ARFGEF2: variants seen among roughly 807,000 people sequenced by gnomAD.
The protein encoded by ARFGEF2 is brefeldin A-inhibited guanine nucleotide-exchange protein 2.
In ARFGEF2, 74 loss-of-function variants were observed where a neutral mutation model predicts 219.9. The observed-to-expected ratio is 0.34, with a 90% CI of 0.28 to 0.41. ARFGEF2 has a LOEUF of 0.41. Ranked by LOEUF, ARFGEF2 falls within the 10% of genes least tolerant of loss-of-function variation. The pLI, the probability that ARFGEF2 is intolerant of heterozygous loss-of-function variation, is 1.00. For synonymous variants in ARFGEF2, 733 were observed against 799.2 expected, an observed-to-expected ratio of 0.92 and a Z score of 1.40; for missense variants, 1,743 against 2,218.3, an observed-to-expected ratio of 0.79 and a Z score of 4.30.
chr20:48,954,335 A>G (rs1264490072), intron 6 of ARFGEF2, among the ~76,000 whole-genome samples: 2 of 152,176 alleles, frequency 1.3e-5, no homozygotes, highest in East Asian at 3.8e-4. Flanking sequence ...ACTAACCCAC[A>G]CCTGATTATA....
chr20:48,953,418 C>A (rs2091084075), intron 5 of ARFGEF2, 138 bp from the exon 6 acceptor site: 2 of 798,036 alleles, frequency 2.5e-6, no homozygotes, highest in Admixed American at 2.0e-5. Context: ...TCAAGAATTC[C>A]TGCTGCCTCA....
chr20:49,007,408 G>C (rs1326514959), intron 26 of ARFGEF2, among the ~76,000 whole-genome samples: 1 of 151,050 alleles, frequency 6.6e-6, no homozygotes, highest in African/African-American at 2.4e-5. Flanking sequence ...TCCTGCCTCA[G>C]CCTCCCAAGT....
chr20:48,965,048 G>A (rs970232945), intron 7 of ARFGEF2, among the ~76,000 whole-genome samples: 1 of 152,136 alleles, frequency 6.6e-6, no homozygotes, highest in Admixed American at 6.5e-5. Flanking sequence ...GTACCACAAA[G>A]CTATATACAT....
Position 48,969,231 on chromosome 20 carries a change from T to G in ARFGEF2, c.1144T>G (p.Cys382Gly). 1 of 1,614,248 alleles carries G rather than the reference T, an allele frequency of 6.2e-7. No individual in the cohort carries two copies. The highest frequency in any genetic ancestry group is 8.5e-7 in the Non-Finnish European group (1 of 1,180,036). ...KDAFLVFRSL[C>G]KLSMKPLGEG... Reference sequence around the variant, plus strand: ...TGCCTTCCTTGTGTTCCGCTCCCTGTGCAAGCTGTCCATGAAACCCCTTGG... The same window carrying G: ...TGCCTTCCTTGTGTTCCGCTCCCTGGGCAAGCTGTCCATGAAACCCCTTGG... The change falls in exon 9 of 39, where the codon TGC (cysteine) becomes GGC (glycine). Residue 382 changes from cysteine to glycine, a missense_variant. Transcript: ENST00000371917.
chr20:48,946,746 C>T (rs1486391998), intron 3 of ARFGEF2, among the ~76,000 whole-genome samples: 2 of 151,646 alleles, frequency 1.3e-5, no homozygotes, highest in Non-Finnish European at 2.9e-5. Flanking sequence ...AGCTTAAGCC[C>T]ACCTTGGCTT....
chr20:48,977,451 C>T (rs2091269120), intron 14 of ARFGEF2, among the ~76,000 whole-genome samples: 1 of 152,158 alleles, frequency 6.6e-6, no homozygotes, highest in African/African-American at 2.4e-5. Context: ...GTGCATGTGT[C>T]TTTATAGTAG....
At chr20:48,957,178 G>A (rs561319704) in intron 6 of ARFGEF2, among the ~76,000 whole-genome samples, 1 of 152,306 alleles carries the variant, frequency 6.6e-6, no homozygotes, top group African/African-American at 2.4e-5. Context: ...TGCCAGCTGA[G>A]TCACCCCCCT....
chr20:48,926,158 A>G (rs2090875661), intron 1 of ARFGEF2, among the ~76,000 whole-genome samples: 1 of 152,198 alleles, frequency 6.6e-6, no homozygotes, highest in Non-Finnish European at 1.5e-5. Context: ...TCCATAGTCC[A>G]AGATCTTAAC....
intron 3 of ARFGEF2, 102 bp downstream of exon 3, chr20:48,942,089 C>T (rs2090996445): frequency 2.7e-6 from 4 of 1,458,434 alleles, no homozygotes; most frequent in Non-Finnish European, 3.8e-6. Flanking sequence ...TCAGTGCTGT[C>T]AGAGGCGATG....
chr20:49,018,837 A>G (rs1489973385), intron 33 of ARFGEF2, 47 bp from the exon 34 acceptor site: 2 of 1,531,186 alleles, frequency 1.3e-6, no homozygotes, highest in Non-Finnish European at 9.0e-7. Flanking sequence ...TGCCCAAATT[A>G]TCATGAAGAA....
Position 49,034,132 on chromosome 20 carries a change from G to A in ARFGEF2, c.*933G>A, listed in dbSNP as rs903525712. 3.0e-4 allele frequency: 45 copies of A among 152,226 alleles called. No individual in the cohort carries two copies. Among genetic ancestry groups the A allele is most frequent in the African/African-American group, 1.0e-3 (43 of 41,452 alleles). 9.4% of individuals were successfully genotyped at this position (152,226 alleles called of 1,614,324 possible). On this transcript the variant is annotated 3_prime_UTR_variant, in exon 39 of 39. Coordinates refer to ENST00000371917, the MANE Select transcript of ARFGEF2 (RefSeq NM_006420.3). ...TTATTTTCACCTCAGAAAAGTGAGT[G>A]TACTGGCAGTTAGTGTCACTGCTTT...
rs113625313 is a variant in ARFGEF2 at position 49,021,056 on chromosome 20, TA to T, written c.4625-1984del. On this transcript the variant is annotated intron_variant, in intron 34 of 38. Transcript: ENST00000371917. ...TACATCTTCTGGAACTCCACTGTATTAAAAAAAAAAATTTAAAACAATCTAC... is the reference window on the plus strand; with the variant it reads ...TACATCTTCTGGAACTCCACTGTATTAAAAAAAAAATTTAAAACAATCTAC... Among the ~76,000 whole-genome samples, 897 of 148,942 alleles carry T rather than the reference TA, an allele frequency of 6.0e-3. 7 individuals carry two copies. Among genetic ancestry groups the T allele is most frequent in the African/African-American group, 0.014 (584 of 40,860 alleles).
Position 48,976,027 on chromosome 20 carries a change from C to T in ARFGEF2, c.1786C>T (p.Leu596Phe). Residue 596 changes from leucine (L) to phenylalanine (F), a missense_variant, in exon 14 of 39, where the codon CTC becomes TTC. Physicochemically the swap from Leu to Phe is conservative, Grantham distance 22. Coordinates refer to ENST00000371917, the MANE Select transcript of ARFGEF2 (RefSeq NM_006420.3). Reference protein sequence around the residue: ...NHQTSLGQERLTDQEIGDGKG... With the variant: ...NHQTSLGQERFTDQEIGDGKG... ...TTGTTTCTCCGCAGGTCAGGAGAGG[C>T]TCACGGATCAGGAAATAGGGGATGG... 2 of 1,612,238 alleles carry T rather than the reference C, an allele frequency of 1.2e-6. No homozygotes were observed. The highest frequency in any genetic ancestry group is 1.7e-6 in the Non-Finnish European group (2 of 1,180,002).
chr20:49,014,385 G>A (rs2091518245), intron 30 of ARFGEF2, among the ~76,000 whole-genome samples: 1 of 152,062 alleles, frequency 6.6e-6, no homozygotes, highest in African/African-American at 2.4e-5. Flanking sequence ...TTTGATGCCT[G>A]TAGGTATTTT....
chr20:48,934,904 AT>A (rs2090937017), intron 1 of ARFGEF2, among the ~76,000 whole-genome samples: 2 of 152,076 alleles, frequency 1.3e-5, no homozygotes, highest in Non-Finnish European at 2.9e-5. Context: ...GGTATTCCTC[AT>A]TCTAGATCCT....
At chr20:49,024,783 A>C (rs1052296566) in intron 35 of ARFGEF2, among the ~76,000 whole-genome samples, 1 of 152,084 alleles carries the variant, frequency 6.6e-6, no homozygotes, top group African/African-American at 2.4e-5. Flanking sequence ...GCGGATCACG[A>C]GGTCGAGTCT....
intron 34 of ARFGEF2, among the ~76,000 whole-genome samples, chr20:49,021,431 T>C (rs1318896559): frequency 6.6e-6 from 1 of 152,160 alleles, no homozygotes; most frequent in Non-Finnish European, 1.5e-5. Flanking sequence ...AGTGAACACT[T>C]ATGATGTATT....
intron 38 of ARFGEF2, 141 bp from the exon 39 acceptor site, chr20:49,032,882 T>TG: frequency 2.3e-6 from 2 of 855,888 alleles, no homozygotes; most frequent in South Asian, 3.0e-5. Context: ...CGTGAATCAC[T>TG]GCGCTCGGCC....
chr20:48,973,889 A>AT lies in ARFGEF2; in HGVS notation c.1665+612dup, dbSNP rs1394403093. ...CTGTTTTGAATCTAAAATATTTGCA[A>AT]TTTTTTTAGATGATCTGCAACTCAT... On this transcript the variant is annotated intron_variant, in intron 12 of 38. Coordinates refer to ENST00000371917, the MANE Select transcript of ARFGEF2 (RefSeq NM_006420.3). Among the ~76,000 whole-genome samples, 17 of 152,112 alleles carry AT rather than the reference A, an allele frequency of 1.1e-4. 1 individual carries two copies. Among genetic ancestry groups the AT allele is most frequent in the South Asian group, 8.3e-4 (4 of 4,826 alleles).
Sources: allele counts gnomAD v4.1 joint callset (sites outside exome capture counted in the v4.1 genomes callset), GRCh38; gene constraint gnomAD v4.1.1; transcripts MANE v1.5; gene names NCBI Gene and HGNC (gene_info 2026-07-23, HGNC 2026-07-21).